The following ASB4 variants were observed in gnomAD, a reference collection of about 807,000 sequenced individuals.
ASB4 encodes ankyrin repeat and SOCS box containing 4, also known as ankyrin repeat and SOCS box protein 4.
Under a neutral mutation model 38.6 loss-of-function variants are expected in ASB4, and 35 were observed. The ratio of observed to expected loss-of-function variants is 0.91; its 90% CI spans 0.69 to 1.20. The LOEUF (loss-of-function observed/expected upper bound fraction) is 1.20. ASB4 is among the 50% of genes most tolerant of loss of function. ASB4 has a pLI of 0.00. For synonymous variants in ASB4, 195 were observed against 201.3 expected (o/e 0.97, Z 0.26); for missense variants, 557 against 527.2 (o/e 1.06, Z -0.55).
At chr7:95,504,775 T>C (rs989519327) in intron 2 of ASB4, among the ~76,000 whole-genome samples, 1 of 152,202 alleles carries the variant, frequency 6.6e-6, no homozygotes, top group African/African-American at 2.4e-5. Context: ...GACCCTCTGT[T>C]CTCAGATGGC....
At chr7:95,507,405 CT>C (rs1790425271) in intron 2 of ASB4, among the ~76,000 whole-genome samples, 1 of 151,962 alleles carries the variant, frequency 6.6e-6, no homozygotes, top group South Asian at 2.1e-4. Context: ...ACTTCTACTC[CT>C]GTGCGAAGTC....
upstream of ASB4, among the ~76,000 whole-genome samples, chr7:95,478,124 A>AT (rs547375420): frequency 2.0e-5 from 3 of 152,010 alleles, no homozygotes; most frequent in East Asian, 3.9e-4. Flanking sequence ...GGGAAGGATA[A>AT]TTTTTTTTTC....
At chr7:95,524,867 C>A (rs1372871974) in intron 2 of ASB4, among the ~76,000 whole-genome samples, 2 of 152,176 alleles carry the variant, frequency 1.3e-5, no homozygotes, top group Non-Finnish European at 2.9e-5. Flanking sequence ...CAGTGGGGAG[C>A]AGCCTGGCCT....
intron 1 of ASB4, among the ~76,000 whole-genome samples, chr7:95,478,965 T>C (rs1790000769): frequency 6.6e-6 from 1 of 152,140 alleles, no homozygotes; most frequent in Admixed American, 6.5e-5. Flanking sequence ...AATCAGTCTG[T>C]GGACAAGGGC....
the ASB4 span, among the ~76,000 whole-genome samples, chr7:95,546,900 A>G: frequency 6.6e-6 from 1 of 152,230 alleles, no homozygotes; most frequent in Non-Finnish European, 1.5e-5. Flanking sequence ...TCAAAGGTGA[A>G]TAATGGCAAA....
At chr7:95,515,169 CTTTCTTTCTT>C (rs1562816889) in intron 2 of ASB4, among the ~76,000 whole-genome samples, 1,454 of 56,110 alleles carry the variant, frequency 0.026, 13 homozygotes, top group Non-Finnish European at 0.033. Context: ...TTCTCTTTCT[CTTTCTTTCTT>C]TCTTTCTTTC....
At chr7:95,545,833 G>A in the ASB4 span, among the ~76,000 whole-genome samples, 106 of 152,286 alleles carry the variant, frequency 7.0e-4, no homozygotes, top group Admixed American at 1.6e-3. Context: ...AGATATGCAT[G>A]TTTCTGCCCA....
chr7:95,500,054 T>C (rs1790312663), intron 2 of ASB4, among the ~76,000 whole-genome samples: 1 of 151,952 alleles, frequency 6.6e-6, no homozygotes, highest in Admixed American at 6.6e-5. Context: ...AAGATGGTTT[T>C]AAATGCCAGA....
downstream of ASB4, among the ~76,000 whole-genome samples, chr7:95,541,676 G>A (rs775309727): frequency 6.6e-6 from 1 of 152,110 alleles, no homozygotes; most frequent in Admixed American, 6.6e-5. Context: ...TAGTAAAATA[G>A]ACGCAATGAT....
At chr7:95,487,335 T>TCAGA (rs1790106712) in intron 1 of ASB4, among the ~76,000 whole-genome samples, 1 of 152,142 alleles carries the variant, frequency 6.6e-6, no homozygotes, top group African/African-American at 2.4e-5. Flanking sequence ...TGTTAGAAAA[T>TCAGA]TTGTATACTA....
At chr7:95,517,792 C>T (rs1282652191) in intron 2 of ASB4, among the ~76,000 whole-genome samples, 1 of 151,608 alleles carries the variant, frequency 6.6e-6, no homozygotes, top group Non-Finnish European at 1.5e-5. Flanking sequence ...GGTGGTGAGA[C>T]AGTGGATGTG....
chr7:95,507,684 AACAAGTTCTAGC>A (rs1464212893), intron 2 of ASB4, among the ~76,000 whole-genome samples: 1 of 152,210 alleles, frequency 6.6e-6, no homozygotes, highest in Admixed American at 6.5e-5. Context: ...TTCAATTGAC[AACAAGTTCTAGC>A]ACTAGGGAAA....
chr7:95,512,333 T>C (rs540026938), intron 2 of ASB4, among the ~76,000 whole-genome samples: 3 of 152,358 alleles, frequency 2.0e-5, no homozygotes, highest in African/African-American at 7.2e-5. Context: ...GGGCTACGGA[T>C]AATTCAAGTT....
At chr7:95,543,001 G>A (rs551891902), downstream of ASB4, 1 of 152,328 alleles carries the variant, frequency 6.6e-6, no homozygotes, top group Non-Finnish European at 1.5e-5. Flanking sequence ...CTCAGATGTA[G>A]AAGGTAGGTA....
the ASB4 span, among the ~76,000 whole-genome samples, chr7:95,471,317 T>C: frequency 1.4e-4 from 22 of 152,174 alleles, no homozygotes; most frequent in African/African-American, 5.3e-4. Flanking sequence ...TTGTCCTCTT[T>C]CCTGCACGCT....
At chr7:95,481,933 G>T (rs1017258538), upstream of ASB4, among the ~76,000 whole-genome samples, 1 of 152,184 alleles carries the variant, frequency 6.6e-6, no homozygotes, top group Non-Finnish European at 1.5e-5. Flanking sequence ...TTTCTGACAG[G>T]CCTGACTAGA....
intron 2 of ASB4, among the ~76,000 whole-genome samples, chr7:95,517,882 G>C (rs929885523): frequency 6.6e-6 from 1 of 152,142 alleles, no homozygotes; most frequent in African/African-American, 2.4e-5. Context: ...AGGGAGAAAA[G>C]AGTTGCAAAA....
Position 95,496,028 on chromosome 7 carries a change from T to C in ASB4, c.458T>C (p.Ile153Thr), listed in dbSNP as rs1339573662. Reference sequence around the variant, plus strand: ...CACTTTTGTACAACTCCAAGTTCCATTCTCTGTGCCAAGCAATTGGTTTGG... The same window carrying C: ...CACTTTTGTACAACTCCAAGTTCCACTCTCTGTGCCAAGCAATTGGTTTGG... ...ALHFCTTPSS[I>T]LCAKQLVWRG... The change falls in exon 2 of 5, where the codon ATT (isoleucine) becomes ACT (threonine). Residue 153 changes from isoleucine (I) to threonine (T), a missense_variant. By Grantham distance (89) the Ile-to-Thr change is moderately conservative. Coordinates refer to ENST00000325885, the MANE Select transcript of ASB4 (RefSeq NM_016116.3). 4 of 1,613,626 alleles carry C rather than the reference T, an allele frequency of 2.5e-6. No individual in the cohort carries two copies. The highest frequency in any genetic ancestry group is 3.4e-6 in the Non-Finnish European group (4 of 1,179,634).
At chr7:95,513,449 T>C (rs546859750) in intron 2 of ASB4, among the ~76,000 whole-genome samples, 7 of 151,798 alleles carry the variant, frequency 4.6e-5, no homozygotes, top group Non-Finnish European at 1.0e-4. Context: ...ATAGATACAG[T>C]CTGTTGCCAG....
Sources: allele counts gnomAD v4.1 joint callset (sites outside exome capture counted in the v4.1 genomes callset), GRCh38; gene constraint gnomAD v4.1.1; transcripts MANE v1.5; gene names NCBI Gene and HGNC (gene_info 2026-07-23, HGNC 2026-07-21).